FSD1L: variants seen among roughly 807,000 people sequenced by gnomAD.
FSD1L encodes the protein fibronectin type III and SPRY domain containing 1 like, also known as FSD1-like protein.
A neutral mutation model predicts 71.6 loss-of-function variants in FSD1L; 45 were observed. That is an observed-to-expected ratio of 0.63 (90% CI 0.49 to 0.81). The LOEUF (loss-of-function observed/expected upper bound fraction) is 0.81. FSD1L is among the 30% of genes least tolerant of loss of function. The probability of loss-of-function intolerance (pLI) is 0.00; values close to 1 mark genes in which losing one functional copy is unlikely to be tolerated. For synonymous variants in FSD1L, 197 were observed against 207.2 expected (o/e 0.95, Z 0.42); for missense variants, 561 against 618.1 (o/e 0.91, Z 0.98).
intron 7 of FSD1L, chr9:105,500,872 TGGAGAAAA>T (rs1833718058): frequency 6.6e-6 from 1 of 152,256 alleles, no homozygotes; most frequent in East Asian, 1.9e-4. Context: ...AGTAGTTTTA[TGGAGAAAA>T]CTCAGCTTAA....
At chr9:105,532,876 G>T (rs1246360131) in intron 10 of FSD1L, among the ~76,000 whole-genome samples, 1 of 152,144 alleles carries the variant, frequency 6.6e-6, no homozygotes, top group East Asian at 1.9e-4. Context: ...TGAGTTCTTT[G>T]AAATTGTCTA....
At chr9:105,509,237 A>G (rs1282933607) in intron 9 of FSD1L, among the ~76,000 whole-genome samples, 1 of 152,234 alleles carries the variant, frequency 6.6e-6, no homozygotes, top group Non-Finnish European at 1.5e-5. Flanking sequence ...AGATGAAAAA[A>G]TAGAGTTTTC....
At chr9:105,534,711 C>A (rs1400956680) in intron 11 of FSD1L, 118 bp downstream of exon 11, 5 of 641,132 alleles carry the variant, frequency 7.8e-6, no homozygotes, top group Non-Finnish European at 5.3e-6. Flanking sequence ...CAAGAAATTT[C>A]TCCCAATTGA....
At position 105,549,996 on chromosome 9, in the gene FSD1L, T is replaced by G. The variant is rs1031240251; in HGVS notation, c.*3513T>G. On this transcript the variant is annotated 3_prime_UTR_variant, in exon 14 of 14. Transcript: ENST00000481272. Reference sequence around the variant, plus strand: ...AATTGATTATATTTTAAAATAATTATTTTTTTAAAAACGTAATTTGTTTTT... The same window carrying G: ...AATTGATTATATTTTAAAATAATTAGTTTTTTAAAAACGTAATTTGTTTTT... 6.6e-6 allele frequency: 1 copy of G among 152,010 alleles called. No homozygotes were observed. Among genetic ancestry groups the G allele is most frequent in the Non-Finnish European group, 1.5e-5 (1 of 67,886 alleles). 9.4% of individuals were successfully genotyped at this position (152,010 alleles called of 1,614,324 possible).
rs555246855 is a variant in FSD1L, at chr9:105,501,742, C to T, written c.587-4657C>T. Among the ~76,000 whole-genome samples, 5 of 152,124 alleles carry T rather than the reference C, an allele frequency of 3.3e-5. No individual in the cohort carries two copies. The South Asian group carries it at 6.2e-4, about 19-fold the overall frequency. ...AACCACTGCACCCAGCCATCATTTC[C>T]GCGTTTACATCTGTGTTCTTCTTAT... On this transcript the variant is annotated intron_variant, in intron 7 of 13. Transcript: ENST00000481272.
intron 1 of FSD1L, among the ~76,000 whole-genome samples, chr9:105,451,623 G>A (rs1830010065): frequency 6.6e-6 from 1 of 152,164 alleles, no homozygotes; most frequent in Non-Finnish European, 1.5e-5. Context: ...TAAACAGAGG[G>A]ATTTTGTTTA....
chr9:105,497,492 C>G (rs1206188614), intron 7 of FSD1L, among the ~76,000 whole-genome samples: 1 of 152,130 alleles, frequency 6.6e-6, no homozygotes. Context: ...ACTTTTGTGC[C>G]TGGTGCTTTC....
Position 105,542,754 on chromosome 9 carries a change from T to C in FSD1L, c.1467+3403T>C, listed in dbSNP as rs183908175. ...TACAGGCATGAGCCACTGCCTGGTT[T>C]TCCTGTTTTTAAGAGTTCTTTATAA... On this transcript the variant is annotated intron_variant, in intron 13 of 13. Coordinates refer to ENST00000481272, the MANE Select transcript of FSD1L (RefSeq NM_001145313.3). 2.0e-4 allele frequency among the ~76,000 whole-genome samples: 31 copies of C among 152,352 alleles called. No individual in the cohort carries two copies. In the East Asian group the frequency reaches 4.2e-3, roughly 21 times the overall value.
At chr9:105,473,419 G>A (rs979095678) in intron 5 of FSD1L, 2 of 152,212 alleles carry the variant, frequency 1.3e-5, no homozygotes, top group Non-Finnish European at 2.9e-5. Context: ...AGATGTCTTA[G>A]TCATCAAAAT....
chr9:105,524,956 G>A (rs1835415708), intron 10 of FSD1L: 2 of 1,613,426 alleles, frequency 1.2e-6, no homozygotes, highest in African/African-American at 1.3e-5. Flanking sequence ...CAACCTTAGT[G>A]TCCTGTATCC....
rs760256320 is a variant in FSD1L, at chr9:105,544,040, C to G, written c.1468-2318C>G. On this transcript the variant is annotated intron_variant, in intron 13 of 13. Coordinates refer to ENST00000481272, the MANE Select transcript of FSD1L (RefSeq NM_001145313.3). The stretch of plus-strand genomic sequence containing the variant: ...TCCACAATGGTTGAACCAGTTTACT[C>G]TCCCACCAACAGTGTAAAAGTGTTC... 8.3e-4 allele frequency among the ~76,000 whole-genome samples: 127 copies of G among 152,292 alleles called. 1 individual carries two copies. Among genetic ancestry groups the G allele is most frequent in the African/African-American group, 2.7e-3 (113 of 41,556 alleles).
chr9:105,451,336 GT>G (rs1564072004), intron 1 of FSD1L, among the ~76,000 whole-genome samples: 1 of 152,234 alleles, frequency 6.6e-6, no homozygotes. Context: ...CCAGAGAAGA[GT>G]TGTTACATTC....
In FSD1L at chr9:105,467,482, CAA is replaced by C. The variant is rs151115417; in HGVS notation, c.208-710_208-709del. ...GCAGCAAATATAGCAATGGGGAACT[CAA>C]GAGACTTGAAATGCATTATTGACCA... On this transcript the variant is annotated intron_variant, in intron 3 of 13. Coordinates refer to ENST00000481272, the MANE Select transcript of FSD1L (RefSeq NM_001145313.3). Among the ~76,000 whole-genome samples the C allele has an allele frequency of 7.2e-5, 11 of 152,172 alleles. No individual in the cohort carries two copies. The East Asian group carries it at 2.1e-3, about 29-fold the overall frequency.
chr9:105,471,940 T>A lies in FSD1L; in HGVS notation c.376T>A (p.Ser126Thr). 1.4e-6 allele frequency: 2 copies of A among 1,400,142 alleles called. No homozygotes were observed. Among genetic ancestry groups the A allele is most frequent in the Non-Finnish European group, 1.9e-6 (2 of 1,070,784 alleles). 86.7% of individuals were successfully genotyped at this position (1,400,142 alleles called of 1,614,324 possible). ...TCAATGTAATAATGCCCTGGAGAAC[T>A]CTGAAGAACTATTAGAATTTGCAAC... ...ISQCNNALEN[S>T]EELLEFATRS... Residue 126 changes from serine to threonine, a missense_variant, in exon 5 of 14, where the codon TCT (serine) becomes ACT (threonine). This residue lies in a region of FSD1L where 410 missense variants were observed against 413.5 expected (regional missense o/e 0.99). Transcript: ENST00000481272.
chr9:105,506,568 G>A lies in FSD1L; in HGVS notation c.756G>A (p.Glu252=), dbSNP rs1266567749. The A allele has an allele frequency of 6.4e-7, 1 of 1,550,766 alleles. No homozygotes were observed. The highest frequency in any genetic ancestry group is 8.7e-7 in the Non-Finnish European group (1 of 1,146,456). ...LPRVKDERCW[E]IIDNIKGTEY... The stretch of plus-strand genomic sequence containing the variant: ...GTGTAAAGGATGAGCGATGCTGGGA[G>A]ATAATTGATAATATTAAGGGTACTG... Residue 252 remains glutamate (E), a synonymous_variant, in exon 8 of 14, where the codon GAG becomes GAA. Coordinates refer to ENST00000481272, the MANE Select transcript of FSD1L (RefSeq NM_001145313.3).
intron 1 of FSD1L, among the ~76,000 whole-genome samples, chr9:105,456,153 C>A (rs978487388): frequency 6.6e-6 from 1 of 152,136 alleles, no homozygotes; most frequent in African/African-American, 2.4e-5. Context: ...TGCCTTTAGC[C>A]GTTCTGACCT....
At chr9:105,522,386 A>G (rs993840404) in intron 10 of FSD1L, 1 of 1,613,974 alleles carries the variant, frequency 6.2e-7, no homozygotes, top group Non-Finnish European at 8.5e-7. Context: ...AGAAAGTTTC[A>G]GTTGACAAGT....
At chr9:105,536,869 T>A (rs1165883292) in intron 12 of FSD1L, among the ~76,000 whole-genome samples, 1 of 152,140 alleles carries the variant, frequency 6.6e-6, no homozygotes, top group Non-Finnish European at 1.5e-5. Flanking sequence ...ACTCCTGACC[T>A]CAAGTGATCC....
At chr9:105,524,104 A>T in intron 10 of FSD1L, 4 of 1,612,096 alleles carry the variant, frequency 2.5e-6, no homozygotes, top group Non-Finnish European at 3.4e-6. Flanking sequence ...GCAAGAGATG[A>T]GCCCTCTGGT....
Sources: gnomAD v4.1 joint callset for allele counts (sites outside exome capture counted in the v4.1 genomes callset) on GRCh38, gnomAD v4.1.1 for gene constraint, gnomAD v4.1.1 regional missense constraint, MANE v1.5 for transcripts, NCBI Gene and HGNC (gene_info 2026-07-23, HGNC 2026-07-21) for gene names.